The following CHMP4B variants were observed in gnomAD, a reference collection of about 807,000 sequenced individuals.
CHMP4B encodes SNF7 homolog associated with Alix 1.
In CHMP4B, 1 loss-of-function variant was observed where a neutral mutation model predicts 25.1. That is an observed-to-expected ratio of 0.04 (90% CI 0.01 to 0.19). CHMP4B has a LOEUF of 0.19. Among genes scored for constraint, CHMP4B ranks in the 10% least tolerant of loss-of-function variants. The pLI, the probability that CHMP4B is intolerant of heterozygous loss-of-function variation, is 1.00. For missense variants in CHMP4B, 151 were observed against 289.7 expected, an observed-to-expected ratio of 0.52 and a Z score of 3.48; for synonymous variants, 101 against 115.6, an observed-to-expected ratio of 0.87 and a Z score of 0.81.
At chr20:33,823,206 G>A (rs1183044438) in intron 1 of CHMP4B, among the ~76,000 whole-genome samples, 1 of 151,844 alleles carries the variant, frequency 6.6e-6, no homozygotes, top group Non-Finnish European at 1.5e-5. Context: ...GAAATACCAT[G>A]TACTTTACAA....
chr20:33,852,353 C>A, intron 4 of CHMP4B, 150 bp downstream of exon 4: 1 of 974,838 alleles, frequency 1.0e-6, no homozygotes. Context: ...GAGAACCAGA[C>A]AGGATCCATT....
intron 3 of CHMP4B, among the ~76,000 whole-genome samples, chr20:33,851,842 C>T (rs1310074617): frequency 6.6e-6 from 1 of 152,182 alleles, no homozygotes; most frequent in Non-Finnish European, 1.5e-5. Context: ...CCCAGATGCT[C>T]ACAGTCTAGT....
chr20:33,833,915 G>GC (rs2122798838), intron 1 of CHMP4B, among the ~76,000 whole-genome samples: 1 of 152,306 alleles, frequency 6.6e-6, no homozygotes, highest in South Asian at 2.1e-4. Context: ...TAGTTCCCTA[G>GC]CAGGGTATCA....
chr20:33,833,794 C>G (rs1354423066), intron 1 of CHMP4B, among the ~76,000 whole-genome samples: 1 of 152,184 alleles, frequency 6.6e-6, no homozygotes, highest in Non-Finnish European at 1.5e-5. Flanking sequence ...AGTTTCCCCC[C>G]TCTAGGCATC....
chr20:33,849,591 C>CT (rs1023100770), intron 2 of CHMP4B, among the ~76,000 whole-genome samples: 23 of 152,044 alleles, frequency 1.5e-4, no homozygotes, highest in African/African-American at 4.4e-4. Flanking sequence ...GAGTGAGACT[C>CT]TATCTCAATA....
At chr20:33,836,264 G>A (rs922773342) in intron 1 of CHMP4B, among the ~76,000 whole-genome samples, 3 of 151,990 alleles carry the variant, frequency 2.0e-5, no homozygotes, top group African/African-American at 7.3e-5. Flanking sequence ...TGTAAATTTT[G>A]CCTTGTTGGG....
rs1489826500 is a variant in CHMP4B, at chr20:33,811,672, G to C, written c.190+14G>C. The stretch of plus-strand genomic sequence containing the variant: ...AAAACAAGCGCGGTGAGGCTGCCCG[G>C]CCCCTTCAGACTTGCCACGGGCTCC... On this transcript the variant is annotated intron_variant, in intron 1 of 4. Coordinates refer to ENST00000217402, the MANE Select transcript of CHMP4B (RefSeq NM_176812.5). 1.9e-6 allele frequency: 3 copies of C among 1,611,210 alleles called. No individual in the cohort carries two copies. Among genetic ancestry groups the C allele is most frequent in the East Asian group, 2.2e-5 (1 of 44,790 alleles).
intron 1 of CHMP4B, among the ~76,000 whole-genome samples, chr20:33,821,030 G>A (rs924829122): frequency 6.6e-6 from 1 of 152,156 alleles, no homozygotes; most frequent in Non-Finnish European, 1.5e-5. Flanking sequence ...TCCTACGGAA[G>A]GAAGTAGGAA....
At chr20:33,813,160 G>A (rs1205218987) in intron 1 of CHMP4B, among the ~76,000 whole-genome samples, 3 of 150,392 alleles carry the variant, frequency 2.0e-5, no homozygotes, top group African/African-American at 4.9e-5. Flanking sequence ...AAAAAAAAAA[G>A]GGGGAGGAGC....
chr20:33,817,945 G>C (rs952424010), intron 1 of CHMP4B, among the ~76,000 whole-genome samples: 1 of 152,160 alleles, frequency 6.6e-6, no homozygotes, highest in Non-Finnish European at 1.5e-5. Flanking sequence ...GGTGATGTGG[G>C]CAAAAGATTC....
intron 1 of CHMP4B, among the ~76,000 whole-genome samples, chr20:33,833,421 C>G (rs1231950469): frequency 6.6e-6 from 1 of 152,164 alleles, no homozygotes; most frequent in African/African-American, 2.4e-5. Flanking sequence ...CAAGTTCACC[C>G]TCTCCTGGTC....
chr20:33,820,084 A>G (rs1978894025), intron 1 of CHMP4B, among the ~76,000 whole-genome samples: 2 of 151,990 alleles, frequency 1.3e-5, no homozygotes, highest in Admixed American at 1.3e-4. Context: ...AGGCTGAGGC[A>G]GCAGAATGGT....
At chr20:33,815,412 T>C (rs1416601255) in intron 1 of CHMP4B, among the ~76,000 whole-genome samples, 1 of 152,066 alleles carries the variant, frequency 6.6e-6, no homozygotes, top group Non-Finnish European at 1.5e-5. Flanking sequence ...GACTTGGTGA[T>C]TTGTTGTAAT....
intron 1 of CHMP4B, among the ~76,000 whole-genome samples, chr20:33,821,270 C>T (rs1978931926): frequency 6.6e-6 from 1 of 151,896 alleles, no homozygotes; most frequent in Non-Finnish European, 1.5e-5. Context: ...GCCTGTAATC[C>T]CAGCTACTTG....
At chr20:33,852,892 G>C (rs774111105) in intron 4 of CHMP4B, among the ~76,000 whole-genome samples, 1 of 151,832 alleles carries the variant, frequency 6.6e-6, no homozygotes, top group African/African-American at 2.4e-5. Context: ...CCATCCCCTC[G>C]CACAATATTT....
At chr20:33,818,460 A>G (rs1009516057) in intron 1 of CHMP4B, among the ~76,000 whole-genome samples, 1 of 152,242 alleles carries the variant, frequency 6.6e-6, no homozygotes, top group African/African-American at 2.4e-5. Flanking sequence ...GACAGGATTT[A>G]TATTAGGTGC....
At chr20:33,815,528 C>G (rs1467709469) in intron 1 of CHMP4B, among the ~76,000 whole-genome samples, 1 of 152,094 alleles carries the variant, frequency 6.6e-6, no homozygotes, top group Non-Finnish European at 1.5e-5. Flanking sequence ...AGTTGGGAAA[C>G]AGGAGAAGGA....
In CHMP4B at chr20:33,848,656, C is replaced by A; in HGVS notation, c.368+12C>A. 6.2e-7 allele frequency: 1 copy of A among 1,614,048 alleles called. No homozygotes were observed. Among genetic ancestry groups the A allele is most frequent in the Non-Finnish European group, 8.5e-7 (1 of 1,179,944 alleles). On this transcript the variant is annotated intron_variant, in intron 2 of 4. Transcript: ENST00000217402. ...GCCCATGACAACATGTACGTGTCCACCCGCCCCTGCGCCACAGGGCAGTGC... is the reference window on the plus strand; with the variant it reads ...GCCCATGACAACATGTACGTGTCCAACCGCCCCTGCGCCACAGGGCAGTGC...
chr20:33,829,613 G>A (rs1282137487), intron 1 of CHMP4B, among the ~76,000 whole-genome samples: 1 of 152,198 alleles, frequency 6.6e-6, no homozygotes, highest in Non-Finnish European at 1.5e-5. Flanking sequence ...ACCCCAGAAA[G>A]ACTTTCCTGA....
Sources: allele counts gnomAD v4.1 joint callset (sites outside exome capture counted in the v4.1 genomes callset), GRCh38; gene constraint gnomAD v4.1.1; transcripts MANE v1.5; gene names NCBI Gene and HGNC (gene_info 2026-07-23, HGNC 2026-07-21).